The following NRCAM variants were observed in gnomAD, a reference collection of about 807,000 sequenced individuals.
NRCAM encodes the protein NgCAM-related cell adhesion molecule.
NRCAM carries 83 observed loss-of-function variants against 156.5 expected under a neutral mutation model. The ratio of observed to expected loss-of-function variants is 0.53; its 90% CI spans 0.44 to 0.64. The LOEUF (loss-of-function observed/expected upper bound fraction) is 0.64, where lower values mean the gene tolerates loss of function less well. NRCAM is among the 30% of genes least tolerant of loss of function. The pLI, the probability that NRCAM is intolerant of heterozygous loss-of-function variation, is 0.00. For missense variants in NRCAM, 1,417 were observed against 1,597.3 expected, an observed-to-expected ratio of 0.89 and a Z score of 1.92; for synonymous variants, 538 against 563.9, an observed-to-expected ratio of 0.95 and a Z score of 0.65.
At chr7:108,265,837 T>G (rs2097083858) in intron 3 of NRCAM, among the ~76,000 whole-genome samples, 1 of 152,238 alleles carries the variant, frequency 6.6e-6, no homozygotes, top group South Asian at 2.1e-4. Flanking sequence ...CATTCTCTTT[T>G]AATCATGCCC....
intron 1 of NRCAM, among the ~76,000 whole-genome samples, chr7:108,419,326 T>C (rs1459186009): frequency 2.6e-5 from 4 of 152,188 alleles, no homozygotes; most frequent in African/African-American, 9.6e-5. Flanking sequence ...TTTTCTCCTA[T>C]ACATCCTCCT....
Position 108,202,269 on chromosome 7 carries a change from T to C in NRCAM, c.1208-4170A>G, listed in dbSNP as rs80146023. ...CTCCTGATGTTGGTAGGTAAAAATA[T>C]AAACACTTTCAACATATAGATAATG... On this transcript the variant is annotated intron_variant, in intron 13 of 32. Transcript: ENST00000379028. 7.3e-3 allele frequency among the ~76,000 whole-genome samples: 1,117 copies of C among 152,226 alleles called. 23 individuals are homozygous for C. The highest frequency in any genetic ancestry group is 0.025 in the African/African-American group (1,057 of 41,510).
Position 108,447,775 on chromosome 7 carries a change from C to T in NRCAM, c.-332+8468G>A, listed in dbSNP as rs529345415. On this transcript the variant is annotated intron_variant, in intron 1 of 32. Transcript: ENST00000379028. ...ATCATATTTCATTTTTGTAAGGTGA[C>T]TTATGAGTTATTTCTATTTTATGAT... 2.9e-4 allele frequency among the ~76,000 whole-genome samples: 44 copies of T among 152,170 alleles called. 1 individual carries two copies. Among genetic ancestry groups the T allele is most frequent in the African/African-American group, 1.1e-3 (44 of 41,520 alleles).
At chr7:108,359,451 C>T (rs75913617) in intron 2 of NRCAM, among the ~76,000 whole-genome samples, 4,410 of 152,208 alleles carry the variant, frequency 0.029, 224 homozygotes, top group African/African-American at 0.1. Context: ...CATTTTGACA[C>T]TTGGTGATTG....
At chr7:108,411,407 G>C (rs1327288385) in intron 1 of NRCAM, among the ~76,000 whole-genome samples, 2 of 152,006 alleles carry the variant, frequency 1.3e-5, no homozygotes, top group Non-Finnish European at 2.9e-5. Flanking sequence ...GATTTTTAAA[G>C]TTTTGCTTTT....
At chr7:108,334,861 A>G (rs1593906916) in intron 2 of NRCAM, among the ~76,000 whole-genome samples, 1 of 152,220 alleles carries the variant, frequency 6.6e-6, no homozygotes, top group African/African-American at 2.4e-5. Context: ...GATATATCTA[A>G]TATTTTAGAT....
At chr7:108,264,760 C>T (rs1361904366) in intron 3 of NRCAM, among the ~76,000 whole-genome samples, 1 of 152,204 alleles carries the variant, frequency 6.6e-6, no homozygotes, top group African/African-American at 2.4e-5. Flanking sequence ...CTTCTCCTAA[C>T]CAGAAATCAG....
intron 1 of NRCAM, among the ~76,000 whole-genome samples, chr7:108,424,987 T>A (rs10264905): frequency 0.9 from 136,805 of 152,176 alleles, 61,969 homozygotes; most frequent in East Asian, 1. Flanking sequence ...GGATGGTACA[T>A]AGCTAGTGCA....
chr7:108,248,292 G>A (rs1164693263), intron 3 of NRCAM, among the ~76,000 whole-genome samples: 1 of 152,112 alleles, frequency 6.6e-6, no homozygotes, highest in Non-Finnish European at 1.5e-5. Context: ...TGAAATGCCA[G>A]GCAGGCTAGT....
intron 13 of NRCAM, among the ~76,000 whole-genome samples, chr7:108,198,623 C>T (rs927295021): frequency 3.9e-5 from 6 of 152,132 alleles, no homozygotes; most frequent in Non-Finnish European, 8.8e-5. Flanking sequence ...GAGGAAATAG[C>T]AAAAGCTAGT....
intron 2 of NRCAM, among the ~76,000 whole-genome samples, chr7:108,387,076 T>G (rs2099743030): frequency 6.6e-6 from 1 of 152,136 alleles, no homozygotes; most frequent in African/African-American, 2.4e-5. Context: ...GCAAAAAATT[T>G]CCAATATCCT....
At chr7:108,158,003 AG>A (rs1400534281) in intron 32 of NRCAM, among the ~76,000 whole-genome samples, 3 of 152,178 alleles carry the variant, frequency 2.0e-5, no homozygotes, top group Non-Finnish European at 4.4e-5. Flanking sequence ...AGAAATAAGA[AG>A]TTATTTAGTA....
At chr7:108,320,873 G>C (rs1178537359) in intron 2 of NRCAM, among the ~76,000 whole-genome samples, 1 of 152,208 alleles carries the variant, frequency 6.6e-6, no homozygotes, top group Non-Finnish European at 1.5e-5. Context: ...AAAACTCTAT[G>C]CTTTGTATAC....
chr7:108,298,631 T>C (rs1462870887), intron 3 of NRCAM, among the ~76,000 whole-genome samples: 6 of 149,068 alleles, frequency 4.0e-5, no homozygotes, highest in Admixed American at 3.3e-4. Flanking sequence ...CCAGCCTGGG[T>C]AACACAGCGA....
chr7:108,250,261 C>A (rs1255513805), intron 3 of NRCAM, among the ~76,000 whole-genome samples: 1 of 151,692 alleles, frequency 6.6e-6, no homozygotes, highest in African/African-American at 2.4e-5. Context: ...TCCACACACA[C>A]AAAAAATACA....
intron 2 of NRCAM, among the ~76,000 whole-genome samples, chr7:108,362,968 C>T (rs1420223082): frequency 6.6e-6 from 1 of 152,026 alleles, no homozygotes; most frequent in Non-Finnish European, 1.5e-5. Context: ...AGGAAATGTG[C>T]AAGATGAGCC....
intron 3 of NRCAM, among the ~76,000 whole-genome samples, chr7:108,304,837 C>A (rs1452723727): frequency 6.6e-6 from 1 of 152,106 alleles, no homozygotes; most frequent in African/African-American, 2.4e-5. Context: ...TTTCCATACC[C>A]TAGATATTGG....
At chr7:108,182,363 T>C (rs961712839) in intron 23 of NRCAM, among the ~76,000 whole-genome samples, 2 of 152,036 alleles carry the variant, frequency 1.3e-5, no homozygotes, top group African/African-American at 4.8e-5. Context: ...ACAGTATTCC[T>C]GGGTGCAAAA....
chr7:108,188,039 G>C (rs1406142602), intron 20 of NRCAM, among the ~76,000 whole-genome samples: 2 of 152,166 alleles, frequency 1.3e-5, no homozygotes, highest in Non-Finnish European at 2.9e-5. Flanking sequence ...CCTGAAGGAG[G>C]GAAGACCTTC....
Sources: allele counts gnomAD v4.1 joint callset (sites outside exome capture counted in the v4.1 genomes callset), GRCh38; gene constraint gnomAD v4.1.1; transcripts MANE v1.5; gene names NCBI Gene and HGNC (gene_info 2026-07-23, HGNC 2026-07-21).